Variants in PEMT observed in about 807,000 individuals in gnomAD.
PEMT encodes phosphatidylethanolamine N-methyltransferase.
PEMT carries 23 observed loss-of-function variants against 27.4 expected under a neutral mutation model. That is an observed-to-expected ratio of 0.84 (90% CI 0.60 to 1.19). PEMT has a LOEUF of 1.19. PEMT is among the 50% of genes most tolerant of loss of function. The probability of loss-of-function intolerance (pLI) is 0.00; values close to 1 mark genes in which losing one functional copy is unlikely to be tolerated. For synonymous variants in PEMT, 137 were observed against 139.1 expected (o/e 0.98, Z 0.11); for missense variants, 307 against 310.1 (o/e 0.99, Z 0.07).
Position 17,569,405 on chromosome 17 carries a change from A to G in PEMT, c.204+7515T>C, listed in dbSNP as rs1597948780. On this transcript the variant is annotated intron_variant, in intron 2 of 6. Transcript: ENST00000255389. ...CTCAGAGGGGAGGAGCTGCACACTG[A>G]CCTTGAGGATGGACTTGGGTGTCCC... Among the ~76,000 whole-genome samples, 3 of 152,054 alleles carry G rather than the reference A, an allele frequency of 2.0e-5. No individual in the cohort carries two copies. The South Asian group carries it at 6.2e-4, about 32-fold the overall frequency.
intron 2 of PEMT, among the ~76,000 whole-genome samples, chr17:17,556,133 G>A (rs1328346582): frequency 6.6e-6 from 1 of 152,210 alleles, no homozygotes; most frequent in African/African-American, 2.4e-5. Context: ...AGGCAGGTGA[G>A]GGGGTGTCCC....
rs1422009720 is a variant in PEMT at position 17,505,642 on chromosome 17, C to T, written c.*149G>A. ...GGCCATATGTCGGCACGTCCAGGGT[C>T]CCCAAGGCAGCAGGTTCCAAGGCAC... On this transcript the variant is annotated 3_prime_UTR_variant, in exon 7 of 7. Coordinates refer to ENST00000255389, the MANE Select transcript of PEMT (RefSeq NM_148172.3). 56 of 833,576 alleles carry T rather than the reference C, an allele frequency of 6.7e-5. No homozygotes were observed. Among genetic ancestry groups the T allele is most frequent in the Non-Finnish European group, 9.1e-5 (53 of 582,526 alleles). The allele number at this position is 833,576 out of a possible 1,614,324, so 51.6% of individuals were successfully genotyped here.
At position 17,576,991 on chromosome 17, in the gene PEMT, C is replaced by T. The variant is rs144323623; in HGVS notation, c.133G>A (p.Val45Met). 23 of 1,613,906 alleles carry T rather than the reference C, an allele frequency of 1.4e-5. No homozygotes were observed. Among genetic ancestry groups the T allele is most frequent in the Admixed American group, 5.0e-5 (3 of 59,996 alleles). ...FCVMTRLLGY[V>M]DPLDPSFVAA... ...ACAAAGCTGGGATCCAGGGGGTCCA[C>T]GTAGCCCAGCAGCCGGGTCATAACG... Residue 45 changes from valine to methionine, a missense_variant, in exon 2 of 7, where the codon GTG becomes ATG. Transcript: ENST00000255389.
intron 2 of PEMT, among the ~76,000 whole-genome samples, chr17:17,540,390 C>G (rs1047891889): frequency 1.3e-5 from 2 of 152,204 alleles, no homozygotes; most frequent in Non-Finnish European, 2.9e-5. Flanking sequence ...TCGGGCTGAG[C>G]ACAGCACACG....
At chr17:17,519,858 A>G (rs1458698815) in intron 3 of PEMT, among the ~76,000 whole-genome samples, 2 of 152,210 alleles carry the variant, frequency 1.3e-5, no homozygotes, top group Non-Finnish European at 2.9e-5. Flanking sequence ...GAGGGGCTCC[A>G]TCAAGGCAGC....
At chr17:17,546,150 C>T (rs999974391) in intron 2 of PEMT, among the ~76,000 whole-genome samples, 3 of 152,174 alleles carry the variant, frequency 2.0e-5, no homozygotes, top group East Asian at 1.9e-4. Context: ...GATGCACAGA[C>T]GCTCTGGCTG....
chr17:17,512,534 T>C lies in PEMT; in HGVS notation c.441A>G (p.Ala147=), dbSNP rs762817164. The C allele has an allele frequency of 6.2e-7, 1 of 1,605,788 alleles. No homozygotes were observed. The highest frequency in any genetic ancestry group is 2.3e-5 in the East Asian group (1 of 44,296). The change falls in exon 4 of 7, where the codon GCA becomes GCG. Residue 147 remains alanine (A), a synonymous_variant. Transcript: ENST00000255389. The surrounding 1 kb of genome is among the most constrained non-coding windows in gnomAD (Gnocchi z 6.3). ...GVVLVLSSFF[A]LGFAGTFLGD... The stretch of plus-strand genomic sequence containing the variant: ...CTAGGAAAGTTCCAGCGAACCCCAG[T>C]GCAAAGAAGCTGGAGAGCACGAGCA...
chr17:17,510,096 C>T (rs1906251199), intron 4 of PEMT, among the ~76,000 whole-genome samples: 1 of 152,276 alleles, frequency 6.6e-6, no homozygotes, highest in East Asian at 1.9e-4. Flanking sequence ...GCACGCCTCC[C>T]GTTGCTCTGG....
At chr17:17,534,335 GACAA>G (rs1476780684) in intron 2 of PEMT, among the ~76,000 whole-genome samples, 1 of 152,196 alleles carries the variant, frequency 6.6e-6, no homozygotes, top group Non-Finnish European at 1.5e-5. Context: ...AAAGAAGCCA[GACAA>G]ACATAGAGTA....
chr17:17,511,954 C>A (rs978358894), intron 4 of PEMT, among the ~76,000 whole-genome samples: 2 of 152,300 alleles, frequency 1.3e-5, no homozygotes, highest in South Asian at 4.1e-4. Flanking sequence ...GAAAGCACCT[C>A]AGCCACAGGC....
At chr17:17,508,740 C>A (rs901117183) in intron 5 of PEMT, 1 of 466,790 alleles carries the variant, frequency 2.1e-6, no homozygotes, top group Non-Finnish European at 4.4e-6. Context: ...CATCTCCATA[C>A]CTTGTCAGTA....
At position 17,582,168 on chromosome 17, in the gene PEMT, C is replaced by T. The variant is rs796306621; in HGVS notation, c.97-5141G>A. 8.6e-6 allele frequency: 6 copies of T among 694,488 alleles called. No homozygotes were observed. In the African/African-American group the frequency reaches 1.2e-4, roughly 13 times the overall value. 43.0% of individuals were successfully genotyped at this position (694,488 alleles called of 1,614,324 possible). On this transcript the variant is annotated intron_variant, in intron 1 of 6. Coordinates refer to ENST00000255389, the MANE Select transcript of PEMT (RefSeq NM_148172.3). The surrounding 1 kb of genome is among the most constrained non-coding windows in gnomAD (Gnocchi z 4.9). ...CCAACCTCCTTCATACAACAGAGGTCCCGGCTTTCTGCTACCCAGTAATTC... is the reference window on the plus strand; with the variant it reads ...CCAACCTCCTTCATACAACAGAGGTTCCGGCTTTCTGCTACCCAGTAATTC...
At chr17:17,534,804 CAGAGCA>C (rs1908340319) in intron 2 of PEMT, among the ~76,000 whole-genome samples, 1 of 152,104 alleles carries the variant, frequency 6.6e-6, no homozygotes, top group African/African-American at 2.4e-5. Context: ...GCCTGGGCGA[CAGAGCA>C]AGACCCCATC....
chr17:17,585,435 G>A (rs1199381403), intron 1 of PEMT, among the ~76,000 whole-genome samples: 1 of 152,156 alleles, frequency 6.6e-6, no homozygotes, highest in East Asian at 1.9e-4. Flanking sequence ...GTTCTTGTTA[G>A]GGCCCTCCAT....
At chr17:17,515,944 G>A (rs1201303863) in intron 3 of PEMT, among the ~76,000 whole-genome samples, 2 of 152,204 alleles carry the variant, frequency 1.3e-5, no homozygotes, top group Non-Finnish European at 2.9e-5. Flanking sequence ...ACCCTGGGGT[G>A]GAGGTGGGGA....
intron 2 of PEMT, among the ~76,000 whole-genome samples, chr17:17,543,872 C>T (rs895237517): frequency 3.9e-5 from 6 of 152,314 alleles, no homozygotes; most frequent in South Asian, 2.1e-4. Context: ...CAGCTCATGC[C>T]TTTTTTGACC....
At chr17:17,559,992 T>G (rs1044088319) in intron 2 of PEMT, among the ~76,000 whole-genome samples, 1 of 152,166 alleles carries the variant, frequency 6.6e-6, no homozygotes, top group Admixed American at 6.5e-5. Flanking sequence ...CTACCCCACC[T>G]AAGGCCTCCA....
intron 1 of PEMT, among the ~76,000 whole-genome samples, chr17:17,580,852 C>A (rs901280131): frequency 6.6e-6 from 1 of 152,194 alleles, no homozygotes; most frequent in East Asian, 1.9e-4. Flanking sequence ...CCGGTTGCTC[C>A]CCAGGGCACA....
chr17:17,540,774 C>A (rs1017799148), intron 2 of PEMT, among the ~76,000 whole-genome samples: 2 of 152,202 alleles, frequency 1.3e-5, no homozygotes, highest in African/African-American at 4.8e-5. Flanking sequence ...GTGACCCCCT[C>A]GCTCCCCCAC....
Sources: gnomAD v4.1 joint callset for allele counts (sites outside exome capture counted in the v4.1 genomes callset) on GRCh38, gnomAD v4.1.1 for gene constraint, Gnocchi (gnomAD v3.1) non-coding constraint, MANE v1.5 for transcripts, NCBI Gene and HGNC (gene_info 2026-07-23, HGNC 2026-07-21) for gene names.